CELSR1: variants seen among roughly 807,000 people sequenced by gnomAD.
CELSR1 encodes cadherin EGF LAG seven-pass G-type receptor 1.
Under a neutral mutation model 249.1 loss-of-function variants are expected in CELSR1, and 110 were observed. The observed-to-expected ratio is 0.44, with a 90% confidence interval of 0.38 to 0.52. The LOEUF (loss-of-function observed/expected upper bound fraction) is 0.52. Ranked by LOEUF, CELSR1 falls within the 20% of genes least tolerant of loss-of-function variation. The pLI, the probability that CELSR1 is intolerant of heterozygous loss-of-function variation, is 0.00. For missense variants in CELSR1, 4,109 were observed against 4,296.4 expected (o/e 0.96, Z 1.22); for synonymous variants, 2,113 against 1,900.0 (o/e 1.11, Z -2.92).
intron 2 of CELSR1, among the ~76,000 whole-genome samples, chr22:46,459,622 C>T (rs932904644): frequency 1.3e-5 from 2 of 152,318 alleles, no homozygotes; most frequent in East Asian, 3.9e-4. Flanking sequence ...GCTTCTCTGC[C>T]GTGGGGCGGC....
At chr22:46,533,188 C>T (rs1363994663) in intron 1 of CELSR1, among the ~76,000 whole-genome samples, 1 of 152,218 alleles carries the variant, frequency 6.6e-6, no homozygotes, top group Non-Finnish European at 1.5e-5. Context: ...ACAATTCCAA[C>T]GGTCCCACCC....
At position 46,446,997 on chromosome 22, in the gene CELSR1, T is replaced by C. The variant is rs1331011846; in HGVS notation, c.4184-7586A>G. Among the ~76,000 whole-genome samples, 5 of 152,024 alleles carry C rather than the reference T, an allele frequency of 3.3e-5. No individual in the cohort carries two copies. Among genetic ancestry groups the C allele is most frequent in the Admixed American group, 6.5e-5 (1 of 15,274 alleles). On this transcript the variant is annotated intron_variant, in intron 2 of 34. Transcript: ENST00000674500. This position sits in a 1 kb window ranked among gnomAD's most constrained non-coding sequence, Gnocchi z 5.5. Reference sequence around the variant, plus strand: ...TTGCAGCACAGCCCTGCACAGAAGATAAAGTTAAGCAAAGCGGGAGTGGAT... The same window carrying C: ...TTGCAGCACAGCCCTGCACAGAAGACAAAGTTAAGCAAAGCGGGAGTGGAT...
chr22:46,525,346 G>A (rs985821286), intron 1 of CELSR1, among the ~76,000 whole-genome samples: 1 of 152,124 alleles, frequency 6.6e-6, no homozygotes, highest in Non-Finnish European at 1.5e-5. Context: ...CTACTCGGGA[G>A]GCTGAGGCAG....
Position 46,473,708 on chromosome 22 carries a change from C to T in CELSR1, c.3545-9363G>A, listed in dbSNP as rs566284613. 2.1e-4 allele frequency among the ~76,000 whole-genome samples: 32 copies of T among 152,286 alleles called. 2 individuals carry two copies. In the East Asian group the frequency reaches 5.4e-3, roughly 26 times the overall value. On this transcript the variant is annotated intron_variant, in intron 1 of 34. Coordinates refer to ENST00000674500, the MANE Select transcript of CELSR1 (RefSeq NM_001378328.1). This position sits in a 1 kb window ranked among gnomAD's most constrained non-coding sequence, Gnocchi z 6.6. ...ACACAGGGTGCGTGCCTGTCCTTCC[C>T]GAGGCCTTCACAGCAGGCAGGGAGG...
chr22:46,438,860 C>A (rs913509046), intron 3 of CELSR1, among the ~76,000 whole-genome samples: 1 of 152,166 alleles, frequency 6.6e-6, no homozygotes, highest in Non-Finnish European at 1.5e-5. Context: ...CTGGTTCAAG[C>A]GGTTCTCTTG....
At chr22:46,451,589 G>A (rs560952382) in intron 2 of CELSR1, among the ~76,000 whole-genome samples, 2 of 152,044 alleles carry the variant, frequency 1.3e-5, no homozygotes, top group Non-Finnish European at 2.9e-5. Flanking sequence ...AGTAGCATGC[G>A]GGCCCAGGTG....
rs1353162151 is a variant in CELSR1 at position 46,427,507 on chromosome 22, G to C, written c.4611+5886C>G. Among the ~76,000 whole-genome samples, 1 of 152,170 alleles carries C rather than the reference G, an allele frequency of 6.6e-6. No individual in the cohort carries two copies. The highest frequency in any genetic ancestry group is 2.4e-5 in the African/African-American group (1 of 41,420). ...AGCCAAGACAGCAACAAAGGCGCCT[G>C]GGCGACAGAGCGGGACTCCATCTCA... On this transcript the variant is annotated intron_variant, in intron 5 of 34. Coordinates refer to ENST00000674500, the MANE Select transcript of CELSR1 (RefSeq NM_001378328.1). This position sits in a 1 kb window ranked among gnomAD's most constrained non-coding sequence, Gnocchi z 4.2.
Position 46,363,058 on chromosome 22 carries a change from G to T in CELSR1, c.*165C>A. 7.0e-7 allele frequency: 1 copy of T among 1,430,548 alleles called. No homozygotes were observed. Among genetic ancestry groups the T allele is most frequent in the Non-Finnish European group, 9.8e-7 (1 of 1,023,306 alleles). The allele number at this position is 1,430,548 out of a possible 1,614,324, so 88.6% of individuals were successfully genotyped here. On this transcript the variant is annotated 3_prime_UTR_variant, in exon 35 of 35. Coordinates refer to ENST00000674500, the MANE Select transcript of CELSR1 (RefSeq NM_001378328.1). The surrounding 1 kb of genome is among the most constrained non-coding windows in gnomAD (Gnocchi z 4.3). ...GACCTTTGTGTCTGGATGATCAGTCGGGGGGCTGCCACCATGGGGACCGCC... is the reference window on the plus strand; with the variant it reads ...GACCTTTGTGTCTGGATGATCAGTCTGGGGGCTGCCACCATGGGGACCGCC...
rs1279313338 is a variant in CELSR1 at position 46,512,002 on chromosome 22, AT to A, written c.3544+21624del. On this transcript the variant is annotated intron_variant, in intron 1 of 34. Coordinates refer to ENST00000674500, the MANE Select transcript of CELSR1 (RefSeq NM_001378328.1). The surrounding 1 kb of genome is among the most constrained non-coding windows in gnomAD (Gnocchi z 5.2). ...TGTCAGCTCTTACAATTCTGCCAGG[AT>A]GTCCTTCATGCTGCCTCCGAGAAAC... Among the ~76,000 whole-genome samples, 1 of 151,974 alleles carries A rather than the reference AT, an allele frequency of 6.6e-6. No individual in the cohort carries two copies. The highest frequency in any genetic ancestry group is 6.6e-5 in the Admixed American group (1 of 15,256).
At chr22:46,519,515 G>A (rs1237571897) in intron 1 of CELSR1, among the ~76,000 whole-genome samples, 2 of 152,194 alleles carry the variant, frequency 1.3e-5, no homozygotes, top group Non-Finnish European at 2.9e-5. Flanking sequence ...GGTCTCAGCC[G>A]CCCACTACAG....
intron 24 of CELSR1, among the ~76,000 whole-genome samples, chr22:46,376,823 G>A (rs1428893882): frequency 1.3e-5 from 2 of 150,416 alleles, no homozygotes; most frequent in Non-Finnish European, 3.0e-5. Flanking sequence ...AAAAAAGAAA[G>A]AAAGAAAGAA....
chr22:46,371,098 C>A (rs2147181154), intron 25 of CELSR1, among the ~76,000 whole-genome samples: 1 of 152,342 alleles, frequency 6.6e-6, no homozygotes, highest in East Asian at 1.9e-4. Context: ...GCCTCCCTGT[C>A]ACATCAGGAA....
intron 1 of CELSR1, among the ~76,000 whole-genome samples, chr22:46,467,621 G>C (rs1218084885): frequency 2.6e-5 from 4 of 152,008 alleles, no homozygotes; most frequent in African/African-American, 9.7e-5. Flanking sequence ...AGGAGATCGA[G>C]ATCATCCTGG....
At chr22:46,508,039 G>A (rs1465297754) in intron 1 of CELSR1, among the ~76,000 whole-genome samples, 5 of 152,192 alleles carry the variant, frequency 3.3e-5, no homozygotes, top group Admixed American at 1.3e-4. Flanking sequence ...TGCCAGCAAC[G>A]CTGTCATCAT....
At chr22:46,420,458 G>C (rs947507059) in intron 5 of CELSR1, among the ~76,000 whole-genome samples, 4 of 151,652 alleles carry the variant, frequency 2.6e-5, no homozygotes, top group Non-Finnish European at 2.9e-5. Context: ...ACTCACCCAG[G>C]TGCACTCACC....
At chr22:46,364,775 G>A (rs1177640180) in intron 32 of CELSR1, 39 bp from the exon 33 acceptor site, 2 of 1,571,834 alleles carry the variant, frequency 1.3e-6, no homozygotes, top group East Asian at 2.3e-5. Context: ...CAGCGGCACT[G>A]CCACTCGAGC....
At chr22:46,477,051 C>T (rs564661296) in intron 1 of CELSR1, among the ~76,000 whole-genome samples, 1 of 152,266 alleles carries the variant, frequency 6.6e-6, no homozygotes, top group African/African-American at 2.4e-5. Flanking sequence ...TTTCAAGAAC[C>T]ATTTCCTTCA....
rs551320117 is a variant in CELSR1, at chr22:46,389,347, G to T, written c.6498C>A (p.His2166Gln). 2.5e-6 allele frequency: 4 copies of T among 1,610,912 alleles called. No homozygotes were observed. In the South Asian group the frequency reaches 3.3e-5, roughly 13 times the overall value. Reference protein sequence around the residue: ...AYQLLGHVLQHESWQQGFDLA... With the variant: ...AYQLLGHVLQQESWQQGFDLA... ...GGTCGAAGCCCTGCTGCCAGCTCTC[G>T]TGCTGAAGGACGTGGCCCAGCAGCT... The change falls in exon 18 of 35, where the codon CAC becomes CAA. Residue 2166 changes from histidine to glutamine, a missense_variant. This residue lies in a region of CELSR1 where 1,805 missense variants were observed against 1,831.6 expected (regional missense o/e 0.99). Coordinates refer to ENST00000674500, the MANE Select transcript of CELSR1 (RefSeq NM_001378328.1).
In CELSR1 at chr22:46,395,245, G is replaced by A. The variant is rs1484167890; in HGVS notation, c.5844-983C>T. ...TGTGGCGCCGGGCATGGAGATGCTG[G>A]ATCAGCCTCTTGGCAACTCCCCCTG... is the stretch of plus-strand genomic sequence containing the variant. On this transcript the variant is annotated intron_variant, in intron 13 of 34. Coordinates refer to ENST00000674500, the MANE Select transcript of CELSR1 (RefSeq NM_001378328.1). The surrounding 1 kb of genome is among the most constrained non-coding windows in gnomAD (Gnocchi z 5.5). Among the ~76,000 whole-genome samples the A allele has an allele frequency of 6.6e-6, 1 of 152,200 alleles. No individual in the cohort carries two copies. The highest frequency in any genetic ancestry group is 2.4e-5 in the African/African-American group (1 of 41,452).
Sources: gnomAD v4.1 joint callset for allele counts (sites outside exome capture counted in the v4.1 genomes callset) on GRCh38, gnomAD v4.1.1 for gene constraint, gnomAD v4.1.1 regional missense constraint, Gnocchi (gnomAD v3.1) non-coding constraint, MANE v1.5 for transcripts, NCBI Gene and HGNC (gene_info 2026-07-23, HGNC 2026-07-21) for gene names.